Variants in ZNF717 observed in about 807,000 individuals in gnomAD.
ZNF717 encodes the protein krueppel-like factor X17.
A neutral mutation model predicts 13.8 loss-of-function variants in ZNF717; 9 were observed. The ratio of observed to expected loss-of-function variants is 0.65; its 90% CI spans 0.39 to 1.14. The LOEUF (loss-of-function observed/expected upper bound fraction) is 1.14, where lower values mean the gene tolerates loss of function less well. Among genes scored for constraint, ZNF717 ranks in the 50% most tolerant of loss-of-function variants. The probability of loss-of-function intolerance (pLI) is 0.01; values close to 1 mark genes in which losing one functional copy is unlikely to be tolerated. For missense variants in ZNF717, 1,040 were observed against 1,080.7 expected (o/e 0.96, Z 0.53); for synonymous variants, 327 against 364.1 (o/e 0.90, Z 1.16).
Position 75,738,172 on chromosome 3 carries a change from C to T in ZNF717, c.1451G>A (p.Cys484Tyr). 3.6e-6 allele frequency: 5 copies of T among 1,387,534 alleles called. No homozygotes were observed. The highest frequency in any genetic ancestry group is 4.8e-6 in the Non-Finnish European group (5 of 1,032,720). The allele number at this position is 1,387,534 out of a possible 1,614,324, so 86.0% of individuals were successfully genotyped here. Residue 484 changes from cysteine to tyrosine, a missense_variant, in exon 5 of 5, where the codon TGT (cysteine) becomes TAT (tyrosine). This residue lies in a region of ZNF717 where 873 missense variants were observed against 832.8 expected (regional missense o/e 1.05). Transcript: ENST00000652011. ...TGEKPYECNE[C>Y]GKTFHRKSFL... is the part of the protein sequence containing the mutation. ...TGACTTACGGTGAAACGTTTTCCCA[C>T]ATTCATTGCATTCATAGGGTTTTTC... is the stretch of plus-strand genomic sequence containing the variant.
At chr3:75,733,488 T>A (rs548174066), downstream of ZNF717, among the ~76,000 whole-genome samples, 94 of 152,174 alleles carry the variant, frequency 6.2e-4, no homozygotes, top group Admixed American at 4.3e-3. Flanking sequence ...AAGATAAGAA[T>A]CACATTCAGG....
intron 1 of ZNF717, chr3:75,785,028 G>A (rs1327801722): frequency 6.6e-6 from 1 of 152,238 alleles, no homozygotes; most frequent in Admixed American, 6.5e-5. Flanking sequence ...AGGAGGACTA[G>A]GCAGGTCACA....
At chr3:75,759,935 GGTTT>G (rs1224108923) in intron 2 of ZNF717, among the ~76,000 whole-genome samples, 3 of 140,168 alleles carry the variant, frequency 2.1e-5, no homozygotes, top group Non-Finnish European at 4.7e-5. Flanking sequence ...TTTTGGTATA[GGTTT>G]ATTTATCTTT....
intron 2 of ZNF717, among the ~76,000 whole-genome samples, chr3:75,742,613 C>A (rs77648368): frequency 6.6e-6 from 1 of 152,176 alleles, no homozygotes; most frequent in Non-Finnish European, 1.5e-5. Flanking sequence ...GAACACACAC[C>A]ACTTTAATGG....
At chr3:75,774,132 A>AT (rs1944114964) in intron 2 of ZNF717, among the ~76,000 whole-genome samples, 1 of 151,758 alleles carries the variant, frequency 6.6e-6, no homozygotes, top group South Asian at 2.1e-4. Flanking sequence ...TTTAAAGAAG[A>AT]TTTTCAGGTA....
chr3:75,778,348 T>C (rs1433149767), intron 2 of ZNF717, among the ~76,000 whole-genome samples: 1 of 151,478 alleles, frequency 6.6e-6, no homozygotes, highest in Admixed American at 6.6e-5. Context: ...GGGAGTGACG[T>C]GCTAAACCAG....
chr3:75,765,140 C>T (rs985735337), intron 2 of ZNF717, among the ~76,000 whole-genome samples: 4 of 149,720 alleles, frequency 2.7e-5, no homozygotes, highest in Non-Finnish European at 4.4e-5. Flanking sequence ...ACCTACTTAA[C>T]AAAACAACAA....
chr3:75,750,747 T>A (rs1396139852), intron 2 of ZNF717, among the ~76,000 whole-genome samples: 1 of 151,128 alleles, frequency 6.6e-6, no homozygotes, highest in Non-Finnish European at 1.5e-5. Context: ...TGTTTTTCCC[T>A]CACATAGGAT....
chr3:75,736,779 G>C lies in ZNF717; in HGVS notation c.*99C>G. The C allele has an allele frequency of 1.5e-6, 2 of 1,295,044 alleles. No homozygotes were observed. Among genetic ancestry groups the C allele is most frequent in the Non-Finnish European group, 2.1e-6 (2 of 963,774 alleles). The allele number at this position is 1,295,044 out of a possible 1,614,324, so 80.2% of individuals were successfully genotyped here. ...ACAGCATGGTTAAGACCTTCTTGTTGGTAGGCCAGGAGGTAATGGTCACCA... is the reference window on the plus strand; with the variant it reads ...ACAGCATGGTTAAGACCTTCTTGTTCGTAGGCCAGGAGGTAATGGTCACCA... On this transcript the variant is annotated 3_prime_UTR_variant, in exon 5 of 5. Coordinates refer to ENST00000652011, the MANE Select transcript of ZNF717 (RefSeq NM_001290208.3).
At chr3:75,751,582 G>A (rs191520684) in intron 2 of ZNF717, among the ~76,000 whole-genome samples, 11 of 111,534 alleles carry the variant, frequency 9.9e-5, no homozygotes, top group East Asian at 2.9e-4. Context: ...ACCAGAACAC[G>A]CCTGTTGTGG....
chr3:75,707,435 C>T (rs1237755783), downstream of ZNF717, among the ~76,000 whole-genome samples: 1 of 152,290 alleles, frequency 6.6e-6, no homozygotes, highest in Admixed American at 6.5e-5. Flanking sequence ...CCAGGGGATG[C>T]AAGCTAGTTT....
In ZNF717 at chr3:75,737,626, T is replaced by C. The variant is rs776143213; in HGVS notation, c.1997A>G (p.Gln666Arg). 6.5e-6 allele frequency: 10 copies of C among 1,544,290 alleles called. No individual in the cohort carries two copies. The highest frequency in any genetic ancestry group is 4.9e-5 in the East Asian group (2 of 40,490). ...ACGGTTTTTCCCCGTGTGAGTTCTC[T>C]GGTGTATGGTGAGGAATGACTTGCG... ...FHRKSFLTIHQRTHTGKNRMD... is the reference protein window; with the variant it reads ...FHRKSFLTIHRRTHTGKNRMD... The change falls in exon 5 of 5, where the codon CAG (glutamine) becomes CGG (arginine). Residue 666 changes from glutamine (Q) to arginine (R), a missense_variant. Around this residue, in one of 3 missense-constraint regions of ZNF717, gnomAD observed 873 missense variants for 832.8 expected, o/e 1.05. Coordinates refer to ENST00000652011, the MANE Select transcript of ZNF717 (RefSeq NM_001290208.3).
At position 75,768,361 on chromosome 3, in the gene ZNF717, G is replaced by GT. The variant is rs1491352116; in HGVS notation, c.57+14944_57+14945insA. Among the ~76,000 whole-genome samples, 18 of 27,832 alleles carry GT rather than the reference G, an allele frequency of 6.5e-4. No homozygotes were observed. The South Asian group carries it at 0.017, about 27-fold the overall frequency. The allele number at this position is 27,832 out of a possible 152,430, so 18.3% of individuals were successfully genotyped here. On this transcript the variant is annotated intron_variant, in intron 2 of 4. Transcript: ENST00000652011. ...TTCAGTCCTCACTGTGGCTGAGTGTGGGGGGGGGGGGTAGATGACAGCCCA... is the reference window on the plus strand; with the variant it reads ...TTCAGTCCTCACTGTGGCTGAGTGTGTGGGGGGGGGGGTAGATGACAGCCCA...
At chr3:75,730,704 A>T in intron 5 of ZNF717, 1 of 681,228 alleles carries the variant, frequency 1.5e-6, no homozygotes, top group East Asian at 2.7e-5. Context: ...ATGAAAGGAT[A>T]ACAAGGAACA....
chr3:75,738,075 A>G lies in ZNF717; in HGVS notation c.1548T>C (p.Phe516=). The change falls in exon 5 of 5, where the codon TTT becomes TTC. Residue 516 remains phenylalanine (F), a synonymous_variant. Transcript: ENST00000652011. ...GGACAGTGAGGAATGACTTACAGCG[A>G]AAGGTTTTCCCACATTCATTGCATT... ...PYECNECGKT[F]RCKSFLTVHQ... The G allele has an allele frequency of 1.3e-5, 18 of 1,346,846 alleles. No individual in the cohort carries two copies. The highest frequency in any genetic ancestry group is 1.8e-5 in the Non-Finnish European group (18 of 1,008,714). The allele number at this position is 1,346,846 out of a possible 1,614,324, so 83.4% of individuals were successfully genotyped here.
chr3:75,697,765 G>T (rs1937619865), intron 6 of ZNF717, among the ~76,000 whole-genome samples: 1 of 152,424 alleles, frequency 6.6e-6, no homozygotes, highest in Non-Finnish European at 1.5e-5. Context: ...CTGAAAATGT[G>T]GAATCAGCTT....
chr3:75,733,810 A>G (rs1280895957), downstream of ZNF717, among the ~76,000 whole-genome samples: 2 of 148,042 alleles, frequency 1.4e-5, no homozygotes, highest in African/African-American at 2.5e-5. Flanking sequence ...ATTACATTCA[A>G]CATCTCAGAA....
At chr3:75,715,875 T>A (rs78656142) in intron 5 of ZNF717, among the ~76,000 whole-genome samples, 1 of 152,160 alleles carries the variant, frequency 6.6e-6, no homozygotes, top group Admixed American at 6.5e-5. Context: ...TCCCAGCAAG[T>A]TAAAAATATG....
intron 2 of ZNF717, chr3:75,741,957 C>T: frequency 1.8e-6 from 1 of 563,182 alleles, no homozygotes; most frequent in South Asian, 2.9e-5. Context: ...TTTGGTGTGT[C>T]CATGTGTCTT....
Sources: gnomAD v4.1 joint callset for allele counts (sites outside exome capture counted in the v4.1 genomes callset) on GRCh38, gnomAD v4.1.1 for gene constraint, gnomAD v4.1.1 regional missense constraint, MANE v1.5 for transcripts, NCBI Gene and HGNC (gene_info 2026-07-23, HGNC 2026-07-21) for gene names.